Variants in LPXN observed in about 807,000 individuals in gnomAD.
LPXN encodes leupaxin.
In LPXN, 28 loss-of-function variants were observed where a neutral mutation model predicts 45.6. That is an observed-to-expected ratio of 0.61 (90% CI 0.45 to 0.84). The LOEUF is 0.84. Among genes scored for constraint, LPXN ranks in the 40% least tolerant of loss-of-function variants. The pLI is 0.00. For synonymous variants in LPXN, 166 were observed against 169.9 expected (o/e 0.98, Z 0.18); for missense variants, 459 against 475.0 (o/e 0.97, Z 0.31).
intron 5 of LPXN, 65 bp downstream of exon 5, chr11:58,551,000 G>T: frequency 7.1e-7 from 1 of 1,410,834 alleles, no homozygotes; most frequent in Non-Finnish European, 9.4e-7. Flanking sequence ...AGGGGAAAGA[G>T]CAAACCTTGA....
In LPXN at chr11:58,551,128, G is replaced by A. The variant is rs757772480; in HGVS notation, c.423C>T (p.Asp141=). The A allele has an allele frequency of 8.7e-6, 14 of 1,610,488 alleles. No homozygotes were observed. Among genetic ancestry groups the A allele is most frequent in the Non-Finnish European group, 1.1e-5 (13 of 1,178,340 alleles). ...CCTTGGGCACTGTGGCAATGCCAAG[G>A]TCCTGCAATTCCTGCTCCAGACCCC... The part of the protein sequence containing the change: ...MLGGLEQELQ[D]LGIATVPKGH... Residue 141 remains aspartate, a synonymous_variant, in exon 5 of 9, where the codon GAC becomes GAT. Transcript: ENST00000395074.
intron 7 of LPXN, among the ~76,000 whole-genome samples, chr11:58,536,373 A>T (rs568861157): frequency 6.6e-6 from 1 of 152,344 alleles, no homozygotes; most frequent in South Asian, 2.1e-4. Flanking sequence ...CAACCATCTG[A>T]TCTTTGACAA....
chr11:58,549,767 C>G lies in LPXN; in HGVS notation c.742+19G>C. 6.2e-7 allele frequency: 1 copy of G among 1,612,452 alleles called. No individual in the cohort carries two copies. Among genetic ancestry groups the G allele is most frequent in the Non-Finnish European group, 8.5e-7 (1 of 1,178,702 alleles). ...TACCCACTGGGGTGTGGGATACAGC[C>G]TCTCAAGTCGGGTCATACCTTCTGC... On this transcript the variant is annotated intron_variant, in intron 7 of 8. Coordinates refer to ENST00000395074, the MANE Select transcript of LPXN (RefSeq NM_004811.3).
intron 1 of LPXN, among the ~76,000 whole-genome samples, chr11:58,572,287 C>G (rs1204222875): frequency 6.6e-6 from 1 of 151,510 alleles, no homozygotes; most frequent in Non-Finnish European, 1.5e-5. Flanking sequence ...GAGATCTAAT[C>G]CTTTTTTTTT....
rs1325478834 is a variant in LPXN, at chr11:58,575,718, GTCTTCACTCCCTCAGAGTTTCT to G, written c.13+20_13+41del. On this transcript the variant is annotated intron_variant, in intron 1 of 8. Coordinates refer to ENST00000395074, the MANE Select transcript of LPXN (RefSeq NM_004811.3). ...CACCACACAAGGAGATGGCAGCCAA[GTCTTCACTCCCTCAGAGTTTCT>G]CCTCAGGCTCCTCACTCACCTAACT... 1.2e-6 allele frequency: 2 copies of G among 1,611,884 alleles called. No individual in the cohort carries two copies. The highest frequency in any genetic ancestry group is 1.7e-6 in the Non-Finnish European group (2 of 1,178,088).
upstream of LPXN, among the ~76,000 whole-genome samples, chr11:58,578,658 AC>A (rs1854996260): frequency 6.6e-6 from 1 of 152,142 alleles, no homozygotes; most frequent in Admixed American, 6.5e-5. Context: ...CGCCCAGGCT[AC>A]TTCTGCGGCC....
chr11:58,530,772 T>C (rs890168867), intron 7 of LPXN, among the ~76,000 whole-genome samples: 1 of 152,118 alleles, frequency 6.6e-6, no homozygotes, highest in African/African-American at 2.4e-5. Context: ...CACCTCCCAA[T>C]AGGGGCTAAC....
At chr11:58,549,414 AAAC>A (rs1028982735) in intron 7 of LPXN, among the ~76,000 whole-genome samples, 36 of 152,324 alleles carry the variant, frequency 2.4e-4, no homozygotes, top group African/African-American at 7.9e-4. Context: ...TCAAAAAAAC[AAAC>A]AACAACAACA....
intron 1 of LPXN, among the ~76,000 whole-genome samples, chr11:58,575,057 T>G (rs956139668): frequency 3.9e-5 from 6 of 152,178 alleles, no homozygotes; most frequent in African/African-American, 1.4e-4. Flanking sequence ...ATGACAAACC[T>G]TACATTACTC....
chr11:58,527,942 T>C, intron 8 of LPXN, 101 bp downstream of exon 8: 1 of 1,361,300 alleles, frequency 7.3e-7, no homozygotes, highest in Non-Finnish European at 1.0e-6. Flanking sequence ...CATCCATTCC[T>C]CATTCAGGAC....
chr11:58,547,684 G>T (rs1853916311), intron 7 of LPXN, among the ~76,000 whole-genome samples: 1 of 152,166 alleles, frequency 6.6e-6, no homozygotes. Flanking sequence ...AAAAGAGAGG[G>T]AGTGGCTGTC....
chr11:58,557,360 A>C (rs749487661), intron 3 of LPXN, among the ~76,000 whole-genome samples: 3 of 152,234 alleles, frequency 2.0e-5, no homozygotes, highest in Non-Finnish European at 4.4e-5. Flanking sequence ...GCACACATAC[A>C]CAACAGAATA....
chr11:58,537,741 GACAAA>G (rs1277764209), intron 7 of LPXN, among the ~76,000 whole-genome samples: 13 of 152,102 alleles, frequency 8.5e-5, no homozygotes, highest in African/African-American at 2.9e-4. Context: ...GCAATCTAAA[GACAAA>G]ACAAGCTACA....
At chr11:58,562,320 G>A (rs1854401780) in intron 3 of LPXN, among the ~76,000 whole-genome samples, 1 of 152,180 alleles carries the variant, frequency 6.6e-6, no homozygotes, top group Non-Finnish European at 1.5e-5. Flanking sequence ...GCAAGCCAGA[G>A]TAAATAGTAG....
At chr11:58,540,903 GATC>G (rs1853696943) in intron 7 of LPXN, among the ~76,000 whole-genome samples, 2 of 152,124 alleles carry the variant, frequency 1.3e-5, no homozygotes, top group Non-Finnish European at 2.9e-5. Context: ...TCAACTATCT[GATC>G]TTTGACAAAC....
intron 1 of LPXN, among the ~76,000 whole-genome samples, chr11:58,574,860 T>A (rs867339978): frequency 7.9e-5 from 12 of 152,236 alleles, no homozygotes; most frequent in African/African-American, 2.4e-4. Context: ...TAAGACAATG[T>A]AACAATGTGC....
intron 7 of LPXN, among the ~76,000 whole-genome samples, chr11:58,533,237 C>T (rs922301530): frequency 6.6e-6 from 1 of 152,050 alleles, no homozygotes; most frequent in Non-Finnish European, 1.5e-5. Context: ...CAATTTCGGA[C>T]ACAAAATGAA....
At chr11:58,572,617 T>C (rs965112005) in intron 1 of LPXN, among the ~76,000 whole-genome samples, 20 of 152,244 alleles carry the variant, frequency 1.3e-4, no homozygotes, top group African/African-American at 4.6e-4. Context: ...TTAATAATAT[T>C]AATTAATTCT....
chr11:58,569,169 G>A (rs1164575649), intron 2 of LPXN, among the ~76,000 whole-genome samples: 1 of 152,142 alleles, frequency 6.6e-6, no homozygotes, highest in African/African-American at 2.4e-5. Flanking sequence ...TTCATACAGG[G>A]AACAATGATG....
Sources: gnomAD v4.1 joint callset for allele counts (sites outside exome capture counted in the v4.1 genomes callset) on GRCh38, gnomAD v4.1.1 for gene constraint, MANE v1.5 for transcripts, NCBI Gene and HGNC (gene_info 2026-07-23, HGNC 2026-07-21) for gene names.